The following ATP1A4 variants were observed in gnomAD, a reference collection of about 807,000 sequenced individuals.
ATP1A4 encodes the protein sodium/potassium-transporting ATPase subunit alpha-4.
Under a neutral mutation model 114.3 loss-of-function variants are expected in ATP1A4, and 90 were observed. The observed-to-expected ratio is 0.79, with a 90% CI of 0.66 to 0.94. The LOEUF (loss-of-function observed/expected upper bound fraction) is 0.94. Ranked by LOEUF, ATP1A4 falls within the 40% of genes least tolerant of loss-of-function variation. ATP1A4 has a pLI of 0.00. For missense variants in ATP1A4, 1,222 were observed against 1,313.6 expected (o/e 0.93, Z 1.08); for synonymous variants, 511 against 494.1 (o/e 1.03, Z -0.45).
At chr1:160,171,093 G>A (rs558113811) in intron 10 of ATP1A4, 158 bp from the exon 11 acceptor site, 11 of 608,686 alleles carry the variant, frequency 1.8e-5, no homozygotes, top group African/African-American at 1.7e-4. Flanking sequence ...AGGAGGGGCT[G>A]GGTTCAACCT....
At chr1:160,154,669 A>G (rs1368597634) in intron 2 of ATP1A4, among the ~76,000 whole-genome samples, 1 of 152,188 alleles carries the variant, frequency 6.6e-6, no homozygotes, top group African/African-American at 2.4e-5. Context: ...ATTATATTTC[A>G]TCATGACATT....
At chr1:160,162,752 G>A (rs1244070920) in intron 6 of ATP1A4, among the ~76,000 whole-genome samples, 1 of 152,192 alleles carries the variant, frequency 6.6e-6, no homozygotes, top group Non-Finnish European at 1.5e-5. Context: ...GAGAACCACT[G>A]TGTTAGGGGA....
At chr1:160,157,338 C>T (rs1183237548) in intron 4 of ATP1A4, among the ~76,000 whole-genome samples, 1 of 152,148 alleles carries the variant, frequency 6.6e-6, no homozygotes, top group Non-Finnish European at 1.5e-5. Flanking sequence ...ACGCTCCTCC[C>T]ACCCTCCACC....
intron 10 of ATP1A4, among the ~76,000 whole-genome samples, chr1:160,168,465 C>A (rs1177826080): frequency 3.3e-5 from 5 of 149,302 alleles, no homozygotes; most frequent in African/African-American, 9.8e-5. Flanking sequence ...TCACTGCAAC[C>A]TCCACCTCCT....
At chr1:160,167,439 T>C in intron 10 of ATP1A4, 27 bp downstream of exon 10, 1 of 1,609,232 alleles carries the variant, frequency 6.2e-7, no homozygotes. Flanking sequence ...GGTAGGAGAA[T>C]GGTGGTGGGG....
At chr1:160,182,056 A>G (rs2101658081) in intron 20 of ATP1A4, 25 bp downstream of exon 20, 2 of 1,587,450 alleles carry the variant, frequency 1.3e-6, no homozygotes, top group East Asian at 2.2e-5. Context: ...GGATGCAAGC[A>G]GGGGATGTGC....
rs1398774836 is a variant in ATP1A4, at chr1:160,166,685, A to T, written c.1205A>T (p.Asp402Val). 1.1e-5 allele frequency: 17 copies of T among 1,614,062 alleles called. No homozygotes were observed. The highest frequency in any genetic ancestry group is 1.3e-5 in the African/African-American group (1 of 74,914). ...NRMTVAHMWF[D>V]MTVYEADTTE... The stretch of plus-strand genomic sequence containing the variant: ...ATGACCGTCGCCCACATGTGGTTTG[A>T]TATGACCGTGTATGAGGCCGACACC... The change falls in exon 8 of 22, where the codon GAT becomes GTT. Residue 402 changes from aspartate to valine, a missense_variant. Asp to Val is a radical substitution (Grantham distance 152, BLOSUM62 -3). Transcript: ENST00000368081.
rs529929645 is a variant in ATP1A4 at position 160,171,826 on chromosome 1, G to A, written c.1854+69G>A. On this transcript the variant is annotated intron_variant, in intron 12 of 21. Transcript: ENST00000368081. ...TGAAGCATCTACTAGAAGGCCTTGC[G>A]CAGAGTAGATGCTTAATACCCTTAG... 158 of 1,496,516 alleles carry A rather than the reference G, an allele frequency of 1.1e-4. No homozygotes were observed. In the South Asian group the frequency reaches 1.3e-3, roughly 13 times the overall value. 92.7% of individuals were successfully genotyped at this position (1,496,516 alleles called of 1,614,324 possible).
In ATP1A4 at chr1:160,177,562, C is replaced by T; in HGVS notation, c.2634C>T (p.Ile878=). The change falls in exon 18 of 22, where the codon ATC becomes ATT. Residue 878 remains isoleucine (I), a synonymous_variant. Coordinates refer to ENST00000368081, the MANE Select transcript of ATP1A4 (RefSeq NM_144699.4). ...ALAGFFTYFV[I]LAENGFRPVD... is the part of the protein sequence containing the mutation. ...CTGGATTCTTTACCTACTTTGTAAT[C>T]CTGGCTGAGAATGGTTTTAGGCCTG... 1.2e-6 allele frequency: 2 copies of T among 1,614,172 alleles called. No individual in the cohort carries two copies. The highest frequency in any genetic ancestry group is 2.2e-5 in the East Asian group (1 of 44,882).
In ATP1A4 at chr1:160,181,900, C is replaced by T. The variant is rs550412127; in HGVS notation, c.2868-30C>T. The T allele has an allele frequency of 1.9e-6, 3 of 1,613,676 alleles. No individual in the cohort carries two copies. The South Asian group carries it at 3.3e-5, about 18-fold the overall frequency. ...TTCCCCCTGCCTTTTCTTCTCCCTCCCCGCCACACCCATGAATGTTTCTTC... is the reference window on the plus strand; with the variant it reads ...TTCCCCCTGCCTTTTCTTCTCCCTCTCCGCCACACCCATGAATGTTTCTTC... On this transcript the variant is annotated intron_variant, in intron 19 of 21. Coordinates refer to ENST00000368081, the MANE Select transcript of ATP1A4 (RefSeq NM_144699.4).
At chr1:160,153,418 T>C (rs1391345944) in intron 2 of ATP1A4, among the ~76,000 whole-genome samples, 194 bp downstream of exon 2, 1 of 152,148 alleles carries the variant, frequency 6.6e-6, no homozygotes, top group Non-Finnish European at 1.5e-5. Context: ...AAAGAGAGTG[T>C]GGGACTAGAT....
Position 160,166,739 on chromosome 1 carries a change from A to G in ATP1A4, c.1246+13A>G. The G allele has an allele frequency of 1.9e-6, 3 of 1,614,118 alleles. No homozygotes were observed. Among genetic ancestry groups the G allele is most frequent in the Non-Finnish European group, 2.5e-6 (3 of 1,179,968 alleles). On this transcript the variant is annotated intron_variant, in intron 8 of 21. Coordinates refer to ENST00000368081, the MANE Select transcript of ATP1A4 (RefSeq NM_144699.4). ...GAAGAACAGACTGGTGACTAGTGGT[A>G]TTGGTGGAACAAGAGTGGAGGGATT...
chr1:160,164,851 G>A (rs144390050), intron 7 of ATP1A4, among the ~76,000 whole-genome samples: 1 of 152,210 alleles, frequency 6.6e-6, no homozygotes, highest in African/African-American at 2.4e-5. Flanking sequence ...CATGGGAGAT[G>A]ATTATTATTT....
intron 6 of ATP1A4, 49 bp from the exon 7 acceptor site, chr1:160,164,107 T>TTCTTA (rs754979114): frequency 8.1e-6 from 13 of 1,596,778 alleles, no homozygotes; most frequent in Non-Finnish European, 1.1e-5. Flanking sequence ...ATATCTATAC[T>TTCTTA]TCTTATCATA....
chr1:160,152,116 A>G lies in ATP1A4; in HGVS notation c.76A>G (p.Ile26Val), dbSNP rs375675846. 11 of 1,614,034 alleles carry G rather than the reference A, an allele frequency of 6.8e-6. No homozygotes were observed. Among genetic ancestry groups the G allele is most frequent in the Non-Finnish European group, 6.8e-6 (8 of 1,180,026 alleles). Residue 26 changes from isoleucine (I) to valine (V), a missense_variant, in exon 1 of 22, where the codon ATC (isoleucine) becomes GTC (valine). Ile to Val is a conservative substitution (Grantham distance 29, BLOSUM62 3). Transcript: ENST00000368081. ...AAGACGAAGACCTAAAAAAGGGCTTATCAAGAAAAAAATGGTGAAGAGGGA... is the reference window on the plus strand; with the variant it reads ...AAGACGAAGACCTAAAAAAGGGCTTGTCAAGAAAAAAATGGTGAAGAGGGA... ...SPRRRPKKGL[I>V]KKKMVKREKQ...
At chr1:160,185,471 C>T (rs1343432501) in intron 20 of ATP1A4, among the ~76,000 whole-genome samples, 2 of 152,034 alleles carry the variant, frequency 1.3e-5, no homozygotes, top group African/African-American at 4.8e-5. Flanking sequence ...TCACTAATCC[C>T]ACAGGATTTG....
At chr1:160,164,797 T>A (rs1163432995) in intron 7 of ATP1A4, among the ~76,000 whole-genome samples, 3 of 152,246 alleles carry the variant, frequency 2.0e-5, no homozygotes, top group African/African-American at 7.2e-5. Flanking sequence ...AAAGATCATA[T>A]AAATTCAACC....
intron 20 of ATP1A4, among the ~76,000 whole-genome samples, chr1:160,184,184 C>A (rs1403111233): frequency 2.0e-5 from 3 of 152,054 alleles, no homozygotes; most frequent in African/African-American, 2.4e-5. Flanking sequence ...AACTCCTGAC[C>A]TTGTGATCCG....
chr1:160,183,951 T>A (rs1445015968), intron 20 of ATP1A4, among the ~76,000 whole-genome samples: 1 of 142,330 alleles, frequency 7.0e-6, no homozygotes. Flanking sequence ...TTATTGATAA[T>A]GCTTTTTTTT....
Sources: gnomAD v4.1 joint callset for allele counts (sites outside exome capture counted in the v4.1 genomes callset) on GRCh38, gnomAD v4.1.1 for gene constraint, MANE v1.5 for transcripts, NCBI Gene and HGNC (gene_info 2026-07-23, HGNC 2026-07-21) for gene names.